The following HAUS6 variants were observed in gnomAD, a reference collection of about 807,000 sequenced individuals.
HAUS6 encodes HAUS augmin-like complex subunit 6.
HAUS6 carries 80 observed loss-of-function variants against 106.8 expected under a neutral mutation model. The observed-to-expected ratio is 0.75, with a 90% CI of 0.63 to 0.90. The LOEUF (loss-of-function observed/expected upper bound fraction) is 0.90. Ranked by LOEUF, HAUS6 falls within the 40% of genes least tolerant of loss-of-function variation. HAUS6 has a pLI of 0.00. For missense variants in HAUS6, 1,155 were observed against 1,118.1 expected (o/e 1.03, Z -0.47); for synonymous variants, 356 against 379.1 (o/e 0.94, Z 0.71).
intron 1 of HAUS6, among the ~76,000 whole-genome samples, chr9:19,097,848 G>A (rs1218276080): frequency 1.3e-5 from 2 of 151,344 alleles, no homozygotes; most frequent in African/African-American, 2.4e-5. Flanking sequence ...GGAATCAAGA[G>A]TTAACTTAAA....
Position 19,066,731 on chromosome 9 carries a change from C to A in HAUS6, c.1377-3151G>T, listed in dbSNP as rs889205521. On this transcript the variant is annotated intron_variant, in intron 12 of 16. Transcript: ENST00000380502. The stretch of plus-strand genomic sequence containing the variant: ...AATGGAAGCCAGGCAAGGTGGCTCA[C>A]GTCTGAAACCCTAGCATTTTGGGAG... Among the ~76,000 whole-genome samples the A allele has an allele frequency of 2.0e-5, 3 of 148,916 alleles. No homozygotes were observed. In the East Asian group the frequency reaches 5.8e-4, roughly 29 times the overall value.
intron 5 of HAUS6, among the ~76,000 whole-genome samples, chr9:19,088,444 T>C (rs897715540): frequency 2.6e-5 from 4 of 151,308 alleles, no homozygotes; most frequent in African/African-American, 9.7e-5. Context: ...TAATACACTA[T>C]GGCAATATGC....
chr9:19,092,916 C>CAAAAAAAAAAAAAAAAAAAAAAAAA (rs71494998), intron 4 of HAUS6, among the ~76,000 whole-genome samples: 1 of 76,226 alleles, frequency 1.3e-5, no homozygotes, highest in African/African-American at 4.2e-5. Flanking sequence ...AACTGTGTCT[C>CAAAAAAAAAAAAAAAAAAAAAAAAA]AAAAAAAAAA....
chr9:19,100,288 C>G (rs959009709), intron 1 of HAUS6, among the ~76,000 whole-genome samples: 43 of 152,212 alleles, frequency 2.8e-4, no homozygotes, highest in Non-Finnish European at 5.1e-4. Context: ...ATCGCTTGAG[C>G]CCAGGAGATG....
At chr9:19,094,524 G>T in intron 2 of HAUS6, 129 bp from the exon 3 acceptor site, 2 of 609,784 alleles carry the variant, frequency 3.3e-6, no homozygotes. Context: ...AAGCGCGGTG[G>T]CTCACACTTT....
rs78606594 is a variant in HAUS6 at position 19,068,966 on chromosome 9, T to C, written c.1376+1253A>G. ...TTTCATATGTTAAATCTGGTGGTTA[T>C]AGTAAATCAGAAGTTGTCCAATTTT... On this transcript the variant is annotated intron_variant, in intron 12 of 16. Coordinates refer to ENST00000380502, the MANE Select transcript of HAUS6 (RefSeq NM_017645.5). 7.9e-3 allele frequency among the ~76,000 whole-genome samples: 1,208 copies of C among 152,306 alleles called. 14 individuals carry two copies. Among genetic ancestry groups the C allele is most frequent in the African/African-American group, 0.028 (1,155 of 41,580 alleles).
chr9:19,090,227 A>C (rs1406318005), intron 4 of HAUS6, among the ~76,000 whole-genome samples: 1 of 151,778 alleles, frequency 6.6e-6, no homozygotes, highest in Non-Finnish European at 1.5e-5. Flanking sequence ...CACAATTAAA[A>C]ATTTTCAGAG....
Position 19,063,589 on chromosome 9 carries a change from A to C in HAUS6, c.1377-9T>G. 6.3e-7 allele frequency: 1 copy of C among 1,588,624 alleles called. No individual in the cohort carries two copies. Among genetic ancestry groups the C allele is most frequent in the Non-Finnish European group, 8.6e-7 (1 of 1,156,958 alleles). ...ACAAGAAAGAGGCAGGGCTAAAAGGAAAAAAGACAACAAATCCAAGTTATA... is the reference window on the plus strand; with the variant it reads ...ACAAGAAAGAGGCAGGGCTAAAAGGCAAAAAGACAACAAATCCAAGTTATA... On this transcript the variant is annotated splice_polypyrimidine_tract_variant and intron_variant, in intron 12 of 16. Coordinates refer to ENST00000380502, the MANE Select transcript of HAUS6 (RefSeq NM_017645.5).
chr9:19,078,235 T>G lies in HAUS6; in HGVS notation c.1132A>C (p.Lys378Gln), dbSNP rs149255370. The change falls in exon 10 of 17, where the codon AAA (lysine) becomes CAA (glutamine). Residue 378 changes from lysine (K) to glutamine (Q), a missense_variant. Coordinates refer to ENST00000380502, the MANE Select transcript of HAUS6 (RefSeq NM_017645.5). ...AAACCAAGAAATTCTTTCCACTTTT[T>G]ATGCCATTCTCCTTGCTTTTCAACA... ...SVVEKQGEWHKKWKEFLGLSP... is the reference protein window; with the variant it reads ...SVVEKQGEWHQKWKEFLGLSP... The G allele has an allele frequency of 6.4e-7, 1 of 1,573,058 alleles. No individual in the cohort carries two copies. Among genetic ancestry groups the G allele is most frequent in the African/African-American group, 1.3e-5 (1 of 74,094 alleles).
chr9:19,062,628 G>A (rs899203150), intron 14 of HAUS6, among the ~76,000 whole-genome samples: 17 of 151,996 alleles, frequency 1.1e-4, no homozygotes, highest in Middle Eastern at 6.8e-3. Context: ...ACTGTATTTC[G>A]CTTAGGATCC....
intron 5 of HAUS6, 95 bp from the exon 6 acceptor site, chr9:19,087,251 G>C (rs1479742483): frequency 2.6e-6 from 2 of 764,432 alleles, no homozygotes; most frequent in East Asian, 2.5e-5. Flanking sequence ...CCTTGTTTAA[G>C]GCCTCTGGGT....
intron 12 of HAUS6, among the ~76,000 whole-genome samples, chr9:19,064,635 G>C (rs192783639): frequency 6.6e-6 from 1 of 152,244 alleles, no homozygotes; most frequent in African/African-American, 2.4e-5. Flanking sequence ...ATGCATGTTG[G>C]TACTTTCCTT....
rs1484916020 is a variant in HAUS6, at chr9:19,058,821, C to A, written c.1946G>T (p.Gly649Val). 3.7e-6 allele frequency: 6 copies of A among 1,614,180 alleles called. No homozygotes were observed. In the South Asian group the frequency reaches 5.5e-5, roughly 15 times the overall value. Reference sequence around the variant, plus strand: ...TTTCTCTTCAGTCAAATGAGACTGGCCAAAATCTGATACAGTGGTTTCTAA... The same window carrying A: ...TTTCTCTTCAGTCAAATGAGACTGGACAAAATCTGATACAGTGGTTTCTAA... ...FLLETTVSDFGQSHLTEEKVI... is the reference protein window; with the variant it reads ...FLLETTVSDFVQSHLTEEKVI... The change falls in exon 16 of 17, where the codon GGC becomes GTC. Residue 649 changes from glycine to valine, a missense_variant. Physicochemically the swap from Gly to Val is moderately radical, Grantham distance 109. Around this residue, in one of 3 missense-constraint regions of HAUS6, gnomAD observed 380 missense variants for 394.8 expected, o/e 0.96. Transcript: ENST00000380502.
intron 13 of HAUS6, 136 bp from the exon 14 acceptor site, chr9:19,063,329 C>A (rs1836673814): frequency 4.4e-6 from 3 of 683,994 alleles, no homozygotes; most frequent in Non-Finnish European, 7.3e-6. Context: ...ATGTCACTGG[C>A]AGAATTAACT....
chr9:19,055,502 G>C lies in HAUS6; in HGVS notation c.*841C>G, dbSNP rs1486701231. ...CCTTGTTCCTTTCCCCCAACAGGGA[G>C]TACCTCACAAAAAAACCCAACAACA... is the stretch of plus-strand genomic sequence containing the variant. On this transcript the variant is annotated 3_prime_UTR_variant, in exon 17 of 17. Coordinates refer to ENST00000380502, the MANE Select transcript of HAUS6 (RefSeq NM_017645.5). The C allele has an allele frequency of 2.0e-5, 3 of 152,152 alleles. No homozygotes were observed. The highest frequency in any genetic ancestry group is 2.0e-4 in the Admixed American group (3 of 15,282). The allele number at this position is 152,152 out of a possible 1,614,324, so 9.4% of individuals were successfully genotyped here.
At position 19,102,744 on chromosome 9, in the gene HAUS6, G is replaced by A. The variant is rs1009650365; in HGVS notation, c.-93C>T. Reference sequence around the variant, plus strand: ...GATCCCTCCCTACGGTCAGCCTGAGGTCGCGGTGGTCCTTCCATTGCCAAC... The same window carrying A: ...GATCCCTCCCTACGGTCAGCCTGAGATCGCGGTGGTCCTTCCATTGCCAAC... On this transcript the variant is annotated 5_prime_UTR_variant, in exon 1 of 17. Transcript: ENST00000380502. 4 of 1,298,406 alleles carry A rather than the reference G, an allele frequency of 3.1e-6. No homozygotes were observed. The African/African-American group carries it at 4.5e-5, about 14-fold the overall frequency. 80.4% of individuals were successfully genotyped at this position (1,298,406 alleles called of 1,614,324 possible).
chr9:19,093,239 T>G lies in HAUS6; in HGVS notation c.368A>C (p.Lys123Thr). Reference sequence around the variant, plus strand: ...AAAATGATACATCAGATGAATAAACTTAGGACCACCAGGAGAAAGAAATAG... The same window carrying G: ...AAAATGATACATCAGATGAATAAACGTAGGACCACCAGGAGAAAGAAATAG... ...GSLFLSPGGP[K>T]FIHLMYHFAR... Residue 123 changes from lysine to threonine, a missense_variant, in exon 4 of 17, where the codon AAG becomes ACG. Coordinates refer to ENST00000380502, the MANE Select transcript of HAUS6 (RefSeq NM_017645.5). 1 of 1,609,860 alleles carries G rather than the reference T, an allele frequency of 6.2e-7. No homozygotes were observed. The highest frequency in any genetic ancestry group is 8.5e-7 in the Non-Finnish European group (1 of 1,177,054).
intron 9 of HAUS6, among the ~76,000 whole-genome samples, chr9:19,079,506 C>G (rs180826995): frequency 5.4e-4 from 82 of 151,926 alleles, no homozygotes; most frequent in African/African-American, 1.9e-3. Context: ...GCTGGGATTA[C>G]AAGTGTGAGC....
chr9:19,064,223 T>C (rs1348414781), intron 12 of HAUS6, among the ~76,000 whole-genome samples: 1 of 152,136 alleles, frequency 6.6e-6, no homozygotes, highest in Non-Finnish European at 1.5e-5. Flanking sequence ...CACCTTGGCC[T>C]CCCAAAGTCC....
Sources: allele counts gnomAD v4.1 joint callset (sites outside exome capture counted in the v4.1 genomes callset), GRCh38; gene constraint gnomAD v4.1.1; regional missense constraint gnomAD v4.1.1; transcripts MANE v1.5; gene names NCBI Gene and HGNC (gene_info 2026-07-23, HGNC 2026-07-21).